The following LYPLAL1 variants were observed in gnomAD, a reference collection of about 807,000 sequenced individuals.
The protein encoded by LYPLAL1 is lysophospholipase-like protein 1.
LYPLAL1 carries 23 observed loss-of-function variants against 19.7 expected under a neutral mutation model. The observed-to-expected ratio is 1.17, with a 90% confidence interval of 0.84 to 1.65. The LOEUF (loss-of-function observed/expected upper bound fraction) is 1.65, where lower values mean the gene tolerates loss of function less well. Ranked by LOEUF, LYPLAL1 falls within the 40% of genes most tolerant of loss-of-function variation. LYPLAL1 has a pLI of 0.00. For missense variants in LYPLAL1, 355 were observed against 279.4 expected, an observed-to-expected ratio of 1.27 and a Z score of -1.93; for synonymous variants, 119 against 96.3, an observed-to-expected ratio of 1.24 and a Z score of -1.38.
chr1:219,367,349 C>T, the LYPLAL1 span, among the ~76,000 whole-genome samples: 14 of 152,042 alleles, frequency 9.2e-5, no homozygotes, highest in African/African-American at 2.9e-4. Flanking sequence ...TTGATGAATC[C>T]GATTTTTCTG....
the LYPLAL1 span, chr1:219,222,414 G>T: frequency 6.6e-6 from 1 of 152,074 alleles, no homozygotes; most frequent in African/African-American, 2.4e-5. Context: ...GAAATTGTTT[G>T]TCTCAGGGAA....
the LYPLAL1 span, among the ~76,000 whole-genome samples, chr1:219,299,463 G>A: frequency 6.6e-6 from 1 of 152,212 alleles, no homozygotes; most frequent in Non-Finnish European, 1.5e-5. Context: ...AGGTTTAGGT[G>A]TGGAGGAAGT....
chr1:219,279,705 T>G, the LYPLAL1 span, among the ~76,000 whole-genome samples: 1 of 152,228 alleles, frequency 6.6e-6, no homozygotes, highest in Non-Finnish European at 1.5e-5. Flanking sequence ...GAATTTTTTA[T>G]AGGATGTTTG....
the LYPLAL1 span, among the ~76,000 whole-genome samples, chr1:219,269,255 T>C: frequency 6.6e-6 from 1 of 152,226 alleles, no homozygotes; most frequent in Non-Finnish European, 1.5e-5. Context: ...AAGCATGTGT[T>C]AGCTAACTGC....
the LYPLAL1 span, among the ~76,000 whole-genome samples, chr1:219,227,933 A>G: frequency 1.3e-5 from 2 of 152,210 alleles, no homozygotes; most frequent in East Asian, 3.8e-4. Context: ...CCAGAGGTTG[A>G]GTAAGCCTAG....
At chr1:219,231,663 A>G in the LYPLAL1 span, among the ~76,000 whole-genome samples, 2 of 152,140 alleles carry the variant, frequency 1.3e-5, no homozygotes, top group Non-Finnish European at 2.9e-5. Context: ...AATAAAAAGG[A>G]TCATTCATTT....
the LYPLAL1 span, among the ~76,000 whole-genome samples, chr1:219,227,137 C>T: frequency 2.0e-5 from 3 of 152,156 alleles, no homozygotes; most frequent in African/African-American, 4.8e-5. Flanking sequence ...ATTCAATGAA[C>T]ATTTATTGAA....
the LYPLAL1 span, among the ~76,000 whole-genome samples, chr1:219,267,366 C>T: frequency 3.9e-4 from 60 of 152,226 alleles, no homozygotes; most frequent in Middle Eastern, 3.4e-3. Flanking sequence ...ATAACAACAA[C>T]AAAATATTCT....
At chr1:219,182,422 T>C (rs1324620247) in intron 2 of LYPLAL1, among the ~76,000 whole-genome samples, 1 of 152,106 alleles carries the variant, frequency 6.6e-6, no homozygotes, top group East Asian at 1.9e-4. Flanking sequence ...TTAAGGATAG[T>C]TGCTACCTTC....
intron 2 of LYPLAL1, 70 bp downstream of exon 2, chr1:219,179,316 G>C (rs1448291486): frequency 1.8e-6 from 2 of 1,082,630 alleles, no homozygotes; most frequent in African/African-American, 3.3e-5. Context: ...AGATGTGCCA[G>C]CTAGGTGTTC....
the LYPLAL1 span, among the ~76,000 whole-genome samples, chr1:219,321,069 C>T: frequency 6.6e-6 from 1 of 152,156 alleles, no homozygotes; most frequent in African/African-American, 2.4e-5. Context: ...CGTGTAAAAG[C>T]GTTCCTATTT....
At chr1:219,428,265 T>G in the LYPLAL1 span, among the ~76,000 whole-genome samples, 1 of 152,198 alleles carries the variant, frequency 6.6e-6, no homozygotes, top group African/African-American at 2.4e-5. Context: ...TTTCCAAAGT[T>G]TCATGAGCTT....
the LYPLAL1 span, among the ~76,000 whole-genome samples, chr1:219,299,752 A>C: frequency 2.0e-5 from 3 of 152,140 alleles, no homozygotes; most frequent in Non-Finnish European, 4.4e-5. Context: ...AAAATATATC[A>C]ATGGTTCAGA....
chr1:219,298,079 TG>T, the LYPLAL1 span, among the ~76,000 whole-genome samples: 1 of 152,038 alleles, frequency 6.6e-6, no homozygotes, highest in Admixed American at 6.6e-5. Flanking sequence ...GGAGGCTAAG[TG>T]GGGTGGATTC....
At chr1:219,412,301 A>G in the LYPLAL1 span, among the ~76,000 whole-genome samples, 4 of 152,210 alleles carry the variant, frequency 2.6e-5, no homozygotes, top group Admixed American at 6.5e-5. Flanking sequence ...TGCTGAGATT[A>G]CAGGTATGAG....
chr1:219,357,407 CAAAA>C, the LYPLAL1 span, among the ~76,000 whole-genome samples: 1 of 151,832 alleles, frequency 6.6e-6, no homozygotes, highest in South Asian at 2.1e-4. Flanking sequence ...TTTAAAAAAA[CAAAA>C]GAAATATATG....
the LYPLAL1 span, among the ~76,000 whole-genome samples, chr1:219,258,864 C>T: frequency 6.6e-6 from 1 of 152,006 alleles, no homozygotes; most frequent in African/African-American, 2.4e-5. Flanking sequence ...TATTCATAAA[C>T]TATGTATCCA....
chr1:219,392,822 A>T, the LYPLAL1 span, among the ~76,000 whole-genome samples: 28 of 152,304 alleles, frequency 1.8e-4, 1 homozygote, highest in Admixed American at 1.8e-3. Context: ...ATAATAAACA[A>T]TATTCCCAAG....
At chr1:219,392,356 T>A in the LYPLAL1 span, among the ~76,000 whole-genome samples, 3 of 152,190 alleles carry the variant, frequency 2.0e-5, no homozygotes, top group Non-Finnish European at 4.4e-5. Context: ...GTAGGCAAAA[T>A]CCAGCCTTCC....
Sources: gnomAD v4.1 joint callset for allele counts (sites outside exome capture counted in the v4.1 genomes callset) on GRCh38, gnomAD v4.1.1 for gene constraint, MANE v1.5 for transcripts, NCBI Gene and HGNC (gene_info 2026-07-23, HGNC 2026-07-21) for gene names.